FANCD2OS: variants seen among roughly 807,000 people sequenced by gnomAD.
FANCD2OS encodes the protein FANCD2 opposite strand protein.
FANCD2OS carries 11 observed loss-of-function variants against 13.2 expected under a neutral mutation model. The ratio of observed to expected loss-of-function variants is 0.83; its 90% confidence interval spans 0.52 to 1.38. The LOEUF is 1.38. Ranked by LOEUF, FANCD2OS falls within the 40% of genes most tolerant of loss-of-function variation. FANCD2OS has a pLI of 0.00. For missense variants in FANCD2OS, 217 were observed against 213.9 expected (o/e 1.01, Z -0.09); for synonymous variants, 69 against 84.5 (o/e 0.82, Z 1.01).
intron 2 of FANCD2OS, chr3:10,093,149 T>C: frequency 1.4e-6 from 1 of 701,688 alleles, no homozygotes. Context: ...CTTTGTAATA[T>C]TAATTTAAAT....
chr3:10,101,377 CTTTTT>C (rs950337384), downstream of FANCD2OS: 300 of 387,548 alleles, frequency 7.7e-4, no homozygotes, highest in East Asian at 9.5e-4. Flanking sequence ...TTTTGTTCCT[CTTTTT>C]TTTTTTTTTT....
chr3:10,095,541 A>G (rs1694902766), intron 2 of FANCD2OS, among the ~76,000 whole-genome samples: 1 of 152,184 alleles, frequency 6.6e-6, no homozygotes. Flanking sequence ...ATGCTGGTAT[A>G]TGTTTACTTC....
chr3:10,103,071 A>G (rs1382370128), downstream of FANCD2OS: 2 of 444,800 alleles, frequency 4.5e-6, no homozygotes, highest in Non-Finnish European at 9.0e-6. Context: ...AGCTTGGGCA[A>G]TGTGGTGAAA....
chr3:10,099,075 C>A (rs1391995558), downstream of FANCD2OS: 3 of 1,553,818 alleles, frequency 1.9e-6, no homozygotes, highest in Admixed American at 5.9e-5. Context: ...ATTATAGCCT[C>A]TCATTTTCCA....
At chr3:10,105,815 T>TATAG (rs1559415307) in intron 1 of FANCD2OS, among the ~76,000 whole-genome samples, 10 of 81,026 alleles carry the variant, frequency 1.2e-4, no homozygotes, top group African/African-American at 5.0e-4. Context: ...TATATATATA[T>TATAG]ATATATTTTG....
chr3:10,107,582 G>A (rs555112115), intron 1 of FANCD2OS, among the ~76,000 whole-genome samples: 1 of 151,400 alleles, frequency 6.6e-6, no homozygotes, highest in Admixed American at 6.6e-5. Context: ...CACCGGGCCC[G>A]GGCCCCCCGG....
intron 2 of FANCD2OS, chr3:10,088,452 C>G: frequency 6.2e-7 from 1 of 1,602,634 alleles, no homozygotes; most frequent in Non-Finnish European, 8.6e-7. Context: ...CTAACAGCTT[C>G]CCTTGCCAGA....
rs745765337 is a variant in FANCD2OS at position 10,088,540 on chromosome 3, C to G, written c.*44-7009G>C. On this transcript the variant is annotated intron_variant, in intron 2 of 2. Coordinates refer to the FANCD2OS transcript ENST00000524279. Reference sequence around the variant, plus strand: ...CTAATGACCAGCTCCATGCTCTGCTCTGGTGAGATGTTTGGTTTCTTCCAA... The same window carrying G: ...CTAATGACCAGCTCCATGCTCTGCTGTGGTGAGATGTTTGGTTTCTTCCAA... 167 of 1,595,700 alleles carry G rather than the reference C, an allele frequency of 1.0e-4. No homozygotes were observed. The highest frequency in any genetic ancestry group is 1.3e-4 in the Non-Finnish European group (150 of 1,163,234).
intron 2 of FANCD2OS, among the ~76,000 whole-genome samples, chr3:10,083,948 A>G (rs938544056): frequency 2.6e-5 from 4 of 151,314 alleles, no homozygotes; most frequent in East Asian, 2.0e-4. Flanking sequence ...ATTTTGAGCA[A>G]TTTAGCCTGT....
In FANCD2OS at chr3:10,104,013, ACT is replaced by A. The variant is rs1353462982; in HGVS notation, c.*226_*227del. 1 of 540,658 alleles carries A rather than the reference ACT, an allele frequency of 1.8e-6. No individual in the cohort carries two copies. The highest frequency in any genetic ancestry group is 3.2e-6 in the Non-Finnish European group (1 of 309,118). The allele number at this position is 540,658 out of a possible 1,614,324, so 33.5% of individuals were successfully genotyped here. ...ACATGGACATGTCAATGCTAGTTTG[ACT>A]CTAAATGGTTCAACCTTACAATGGG... On this transcript the variant is annotated 3_prime_UTR_variant, in exon 2 of 2. Transcript: ENST00000450660.
chr3:10,095,428 T>C, intron 2 of FANCD2OS: 1 of 695,346 alleles, frequency 1.4e-6, no homozygotes, highest in Non-Finnish European at 2.6e-6. Context: ...TAGTTGCTCC[T>C]TGAGATTGGG....
At position 10,108,214 on chromosome 3, in the gene FANCD2OS, CCA is replaced by C. The variant is rs1315242366; in HGVS notation, c.-210_-209del. 5.3e-5 allele frequency: 8 copies of C among 152,254 alleles called. No homozygotes were observed. The highest frequency in any genetic ancestry group is 1.9e-4 in the African/African-American group (8 of 41,462). 9.4% of individuals were successfully genotyped at this position (152,254 alleles called of 1,614,324 possible). A position where few individuals can be genotyped will look rare whatever the true frequency, so the allele number is the denominator to read the frequency against. ...CGGACGATGCGGTGGGAACCTGGGC[CCA>C]GTCCCACCATCCGGGCCCGGGGCTC... On this transcript the variant is annotated 5_prime_UTR_variant, in exon 1 of 2. An upstream open reading frame in the 5' UTR loses its in-frame stop. Transcript: ENST00000450660.
At chr3:10,095,694 C>T (rs1041505498) in intron 2 of FANCD2OS, among the ~76,000 whole-genome samples, 4 of 152,176 alleles carry the variant, frequency 2.6e-5, no homozygotes, top group African/African-American at 9.7e-5. Flanking sequence ...ATGAGAACAT[C>T]TTAGCATTAA....
chr3:10,096,906 T>C (rs148444467), intron 2 of FANCD2OS, among the ~76,000 whole-genome samples: 1 of 152,330 alleles, frequency 6.6e-6, no homozygotes, highest in African/African-American at 2.4e-5. Flanking sequence ...CCTGCCCCGA[T>C]AATCACGTAG....
rs1694413698 is a variant in FANCD2OS, at chr3:10,089,011, G to A, written c.*44-7480C>T. ...ATAGAATCATCATCAGGCTGGGCAC[G>A]GTGGCACACACCTGTAATCCCAGCA... On this transcript the variant is annotated intron_variant, in intron 2 of 2. Transcript: ENST00000524279. The A allele has an allele frequency of 1.3e-5, 20 of 1,583,130 alleles. No homozygotes were observed. The South Asian group carries it at 1.3e-4, about 11-fold the overall frequency.
chr3:10,104,841 C>A (rs1168953540), intron 1 of FANCD2OS, 59 bp from the exon 2 acceptor site: 1 of 1,453,178 alleles, frequency 6.9e-7, no homozygotes, highest in East Asian at 2.3e-5. Flanking sequence ...GAGAGCATGG[C>A]CTTTCAAATT....
At chr3:10,101,108 G>T, downstream of FANCD2OS, 4 of 1,043,610 alleles carry the variant, frequency 3.8e-6, no homozygotes, top group Non-Finnish European at 6.0e-6. Flanking sequence ...GTACAGTTGT[G>T]TATCCTCTAG....
chr3:10,082,206 T>C (rs1206332259), intron 2 of FANCD2OS, among the ~76,000 whole-genome samples: 1 of 152,200 alleles, frequency 6.6e-6, no homozygotes, highest in Non-Finnish European at 1.5e-5. Flanking sequence ...CCAGGAGTTA[T>C]TCTTTGTCCC....
Position 10,104,037 on chromosome 3 carries a change from TG to T in FANCD2OS, c.*203del, listed in dbSNP as rs1695398954. On this transcript the variant is annotated 3_prime_UTR_variant, in exon 2 of 2. Transcript: ENST00000450660. ...GACTCTAAATGGTTCAACCTTACAA[TG>T]GGAATGTTCTTCCTTGTTCTCTATC... is the stretch of plus-strand genomic sequence containing the variant. 2.5e-5 allele frequency: 14 copies of T among 569,112 alleles called. No individual in the cohort carries two copies. The South Asian group carries it at 3.4e-4, about 14-fold the overall frequency. The allele number at this position is 569,112 out of a possible 1,614,324, so 35.3% of individuals were successfully genotyped here.
Sources: allele counts gnomAD v4.1 joint callset (sites outside exome capture counted in the v4.1 genomes callset), GRCh38; gene constraint gnomAD v4.1.1; transcripts MANE v1.5; gene names NCBI Gene and HGNC (gene_info 2026-07-23, HGNC 2026-07-21).